Variants in SLCO5A1 observed in about 807,000 individuals in gnomAD.
SLCO5A1 encodes solute carrier organic anion transporter family member 5A1.
Under a neutral mutation model 65.1 loss-of-function variants are expected in SLCO5A1, and 39 were observed. The observed-to-expected ratio is 0.60, with a 90% CI of 0.46 to 0.78. SLCO5A1 has a LOEUF of 0.78. Among genes scored for constraint, SLCO5A1 ranks in the 30% least tolerant of loss-of-function variants. The pLI, the probability that SLCO5A1 is intolerant of heterozygous loss-of-function variation, is 0.00. For synonymous variants in SLCO5A1, 438 were observed against 415.7 expected, an observed-to-expected ratio of 1.05 and a Z score of -0.65; for missense variants, 1,029 against 1,069.4, an observed-to-expected ratio of 0.96 and a Z score of 0.53.
chr8:69,722,787 G>GTGTGTGTGTGTGTA (rs1815884298), intron 5 of SLCO5A1, among the ~76,000 whole-genome samples: 1 of 151,868 alleles, frequency 6.6e-6, no homozygotes, highest in Non-Finnish European at 1.5e-5. Context: ...GTGTGTGTGT[G>GTGTGTGTGTGTGTA]TGTGTGTGTG....
At chr8:69,788,908 A>T (rs10100063) in intron 2 of SLCO5A1, among the ~76,000 whole-genome samples, 2,588 of 152,314 alleles carry the variant, frequency 0.017, 61 homozygotes, top group African/African-American at 0.059. Context: ...TTCCTTCAGA[A>T]GCCAAACCTA....
chr8:69,696,504 ATTTATCCG>A (rs1165885213), intron 6 of SLCO5A1, among the ~76,000 whole-genome samples: 1 of 152,192 alleles, frequency 6.6e-6, no homozygotes, highest in African/African-American at 2.4e-5. Context: ...TTCCATTCTC[ATTTATCCG>A]TTGCCTCCCA....
chr8:69,720,879 C>T (rs1815784855), intron 5 of SLCO5A1, among the ~76,000 whole-genome samples: 1 of 152,186 alleles, frequency 6.6e-6, no homozygotes, highest in Admixed American at 6.5e-5. Flanking sequence ...GTGTCTATTA[C>T]ACTAGTCACC....
At chr8:69,693,819 A>G (rs1033965967) in intron 6 of SLCO5A1, among the ~76,000 whole-genome samples, 1 of 152,240 alleles carries the variant, frequency 6.6e-6, no homozygotes, top group African/African-American at 2.4e-5. Flanking sequence ...CAGAAAGGTT[A>G]AAGAATTGGC....
chr8:69,737,728 T>TA (rs1816617937), intron 5 of SLCO5A1, among the ~76,000 whole-genome samples: 1 of 152,148 alleles, frequency 6.6e-6, no homozygotes, highest in Admixed American at 6.5e-5. Context: ...TGCCAACCCA[T>TA]AAAAAGATCT....
intron 2 of SLCO5A1, among the ~76,000 whole-genome samples, chr8:69,829,185 C>A (rs1328080490): frequency 6.6e-6 from 1 of 152,166 alleles, no homozygotes; most frequent in Non-Finnish European, 1.5e-5. Context: ...ATATAAAACA[C>A]CCAGCATTAC....
chr8:69,757,170 A>G (rs886639958), intron 3 of SLCO5A1, among the ~76,000 whole-genome samples: 7 of 152,206 alleles, frequency 4.6e-5, no homozygotes, highest in Non-Finnish European at 8.8e-5. Context: ...GCTATTTTCA[A>G]AGATATTTAA....
chr8:69,805,803 G>A (rs1354577831), intron 2 of SLCO5A1, among the ~76,000 whole-genome samples: 1 of 152,208 alleles, frequency 6.6e-6, no homozygotes, highest in African/African-American at 2.4e-5. Context: ...TCCCATAGCA[G>A]CGTTGGGGAG....
chr8:69,700,831 T>G (rs1172936954), intron 6 of SLCO5A1, among the ~76,000 whole-genome samples: 1 of 151,292 alleles, frequency 6.6e-6, no homozygotes, highest in African/African-American at 2.4e-5. Context: ...TATATTTATA[T>G]ATAATATTTA....
chr8:69,685,603 A>G (rs1283288877), intron 6 of SLCO5A1, among the ~76,000 whole-genome samples: 2 of 152,246 alleles, frequency 1.3e-5, no homozygotes, highest in Non-Finnish European at 2.9e-5. Context: ...TGGGTGGTCC[A>G]CAATGTAAGC....
intron 2 of SLCO5A1, among the ~76,000 whole-genome samples, chr8:69,807,361 T>TA (rs1820037954): frequency 6.6e-6 from 1 of 152,246 alleles, no homozygotes; most frequent in Admixed American, 6.5e-5. Context: ...GTAAGACATT[T>TA]AAAATCCTTT....
In SLCO5A1 at chr8:69,831,931, GGCTCCAAAGTGGCGGT is replaced by G. The variant is rs1821168887; in HGVS notation, c.727_742del (p.Thr243LeufsTer42). ...TCCCGAGTCCTTCGGACAGGCCGGA[GGCTCCAAAGTGGCGGT>G]GGAGTTGCCACCCTGACACAGGCCG... On this transcript the variant is annotated frameshift_variant, in exon 2 of 10. Coordinates refer to ENST00000260126, the MANE Select transcript of SLCO5A1 (RefSeq NM_030958.3). LOFTEE classifies it high-confidence loss of function. 6.2e-7 allele frequency: 1 copy of G among 1,601,282 alleles called. No homozygotes were observed.
chr8:69,718,043 T>C (rs1200553006), intron 5 of SLCO5A1, among the ~76,000 whole-genome samples: 3 of 152,204 alleles, frequency 2.0e-5, no homozygotes, highest in African/African-American at 7.2e-5. Context: ...TTGTGTCTTG[T>C]GACCAACATT....
intron 3 of SLCO5A1, among the ~76,000 whole-genome samples, chr8:69,757,205 G>T (rs747021390): frequency 6.6e-6 from 1 of 152,138 alleles, no homozygotes; most frequent in Non-Finnish European, 1.5e-5. Flanking sequence ...AAGATTTTAA[G>T]ATAGTCAGTA....
chr8:69,799,616 A>G (rs1172003372), intron 2 of SLCO5A1, among the ~76,000 whole-genome samples: 1 of 152,198 alleles, frequency 6.6e-6, no homozygotes, highest in Non-Finnish European at 1.5e-5. Context: ...GGTTTAATTA[A>G]CTCACAGTTC....
chr8:69,684,653 T>C (rs7012436), intron 6 of SLCO5A1, among the ~76,000 whole-genome samples: 40,918 of 151,974 alleles, frequency 0.27, 5,872 homozygotes, highest in South Asian at 0.37. Flanking sequence ...GGTATAAATA[T>C]AGCCAGCCAG....
At chr8:69,771,804 A>T (rs1818333157) in intron 2 of SLCO5A1, among the ~76,000 whole-genome samples, 1 of 152,204 alleles carries the variant, frequency 6.6e-6, no homozygotes, top group African/African-American at 2.4e-5. Context: ...GGCACATGGC[A>T]TGTTTGATTA....
intron 2 of SLCO5A1, among the ~76,000 whole-genome samples, chr8:69,796,901 C>G (rs151294817): frequency 0.023 from 3,479 of 152,200 alleles, 77 homozygotes; most frequent in Non-Finnish European, 0.038. Flanking sequence ...TAATGCATAG[C>G]AAAAGTGACC....
intron 2 of SLCO5A1, among the ~76,000 whole-genome samples, chr8:69,817,857 T>C (rs1041532078): frequency 6.6e-6 from 1 of 152,212 alleles, no homozygotes; most frequent in Non-Finnish European, 1.5e-5. Flanking sequence ...CTAGATTGTC[T>C]TTAAAGAAAA....
Sources: gnomAD v4.1 joint callset for allele counts (sites outside exome capture counted in the v4.1 genomes callset) on GRCh38, gnomAD v4.1.1 for gene constraint, MANE v1.5 for transcripts, NCBI Gene and HGNC (gene_info 2026-07-23, HGNC 2026-07-21) for gene names.